Variants in PPFIA2 observed in about 807,000 individuals in gnomAD.
The protein encoded by PPFIA2 is PPFI scaffold protein A2.
In PPFIA2, 46 loss-of-function variants were observed where a neutral mutation model predicts 175.5. That is an observed-to-expected ratio of 0.26 (90% CI 0.21 to 0.34). The LOEUF is 0.34. PPFIA2 is among the 10% of genes least tolerant of loss of function. The pLI is 1.00. For synonymous variants in PPFIA2, 568 were observed against 511.4 expected (o/e 1.11, Z -1.49); for missense variants, 1,179 against 1,506.1 (o/e 0.78, Z 3.60).
At position 81,533,692 on chromosome 12, in the gene PPFIA2, AATCTATCT is replaced by A. The variant is rs5799538; in HGVS notation, c.304-75834_304-75827del. Among the ~76,000 whole-genome samples the A allele has an allele frequency of 6.8e-3, 976 of 144,410 alleles. 5 individuals are homozygous for A. Among genetic ancestry groups the A allele is most frequent in the African/African-American group, 8.2e-3 (318 of 38,926 alleles). 94.7% of individuals were successfully genotyped at this position (144,410 alleles called of 152,430 possible). A position where few individuals can be genotyped will look rare whatever the true frequency, so the allele number is the denominator to read the frequency against. On this transcript the variant is annotated intron_variant, in intron 4 of 32. Coordinates refer to ENST00000549396, the MANE Select transcript of PPFIA2 (RefSeq NM_003625.5). ...GATTGTAACGGTTTCTAAATTCACA[AATCTATCT>A]ATCTATCTATCTATCTATCTATCTA...
rs182888945 is a variant in PPFIA2 at position 81,713,367 on chromosome 12, C to T, written c.250-36523G>A. Among the ~76,000 whole-genome samples, 89 of 151,148 alleles carry T rather than the reference C, an allele frequency of 5.9e-4. 9 individuals are homozygous for T. The highest frequency in any genetic ancestry group is 5.1e-3 in the Admixed American group (75 of 14,770). ...TTGGGACTCAAAGTCAGGAAGACTG[C>T]TTTTGCTATATACTCTGGAAGAGTA... On this transcript the variant is annotated intron_variant, in intron 3 of 32. Transcript: ENST00000549396.
intron 4 of PPFIA2, among the ~76,000 whole-genome samples, chr12:81,659,182 G>A (rs1251360725): frequency 6.6e-6 from 1 of 152,102 alleles, no homozygotes; most frequent in Non-Finnish European, 1.5e-5. Flanking sequence ...CTGAGGTACT[G>A]GGTTCATCTC....
intron 8 of PPFIA2, among the ~76,000 whole-genome samples, chr12:81,397,156 AG>A (rs1294181456): frequency 2.6e-5 from 4 of 152,056 alleles, no homozygotes; most frequent in African/African-American, 9.7e-5. Context: ...TCTGAACTAG[AG>A]GTAAAGATTC....
chr12:81,330,757 C>T (rs2055947241), intron 21 of PPFIA2, among the ~76,000 whole-genome samples: 1 of 152,148 alleles, frequency 6.6e-6, no homozygotes, highest in African/African-American at 2.4e-5. Flanking sequence ...ATCTTTCTTT[C>T]AGTAGAACTG....
chr12:81,288,058 A>C (rs1270593899), intron 24 of PPFIA2, among the ~76,000 whole-genome samples: 1 of 151,832 alleles, frequency 6.6e-6, no homozygotes, highest in Non-Finnish European at 1.5e-5. Flanking sequence ...AATTTATAAA[A>C]TTTCAATTAT....
At chr12:81,716,043 T>C (rs2078574209) in intron 3 of PPFIA2, among the ~76,000 whole-genome samples, 1 of 151,628 alleles carries the variant, frequency 6.6e-6, no homozygotes. Context: ...GTAATATTCA[T>C]ATAGTTTCAG....
At chr12:81,636,508 G>T (rs1044530732) in intron 4 of PPFIA2, among the ~76,000 whole-genome samples, 3 of 149,710 alleles carry the variant, frequency 2.0e-5, no homozygotes, top group Non-Finnish European at 1.5e-5. Flanking sequence ...CTCGTGATCC[G>T]CCCGCCTCGG....
intron 21 of PPFIA2, among the ~76,000 whole-genome samples, chr12:81,338,534 C>T (rs866452001): frequency 6.6e-6 from 1 of 151,910 alleles, no homozygotes; most frequent in Non-Finnish European, 1.5e-5. Context: ...TTGCCCTATT[C>T]TTTTCCCCAC....
rs573659051 is a variant in PPFIA2 at position 81,487,559 on chromosome 12, G to A, written c.304-29693C>T. Among the ~76,000 whole-genome samples the A allele has an allele frequency of 5.9e-5, 9 of 151,768 alleles. No individual in the cohort carries two copies. The East Asian group carries it at 1.6e-3, about 26-fold the overall frequency. On this transcript the variant is annotated intron_variant, in intron 4 of 32. Coordinates refer to ENST00000549396, the MANE Select transcript of PPFIA2 (RefSeq NM_003625.5). ...AGGGTGGGAGGGCCTTGTCACTGGCGATTCTAGGAGTAAGCTGTATGTCTC... is the reference window on the plus strand; with the variant it reads ...AGGGTGGGAGGGCCTTGTCACTGGCAATTCTAGGAGTAAGCTGTATGTCTC...
intron 4 of PPFIA2, among the ~76,000 whole-genome samples, chr12:81,638,362 G>A (rs1409325610): frequency 6.6e-6 from 1 of 151,990 alleles, no homozygotes; most frequent in Non-Finnish European, 1.5e-5. Context: ...TCCAAGTAAA[G>A]TGGATCTAGA....
At chr12:81,406,676 T>C (rs1275789051) in intron 7 of PPFIA2, among the ~76,000 whole-genome samples, 2 of 152,066 alleles carry the variant, frequency 1.3e-5, no homozygotes, top group Non-Finnish European at 1.5e-5. Flanking sequence ...TAAATATATA[T>C]ATATATATCA....
intron 4 of PPFIA2, among the ~76,000 whole-genome samples, chr12:81,587,089 A>T (rs965980235): frequency 3.3e-5 from 5 of 152,002 alleles, no homozygotes; most frequent in African/African-American, 1.2e-4. Flanking sequence ...ACACTCTAGC[A>T]AACTGTAGAA....
intron 2 of PPFIA2, 138 bp downstream of exon 2, chr12:81,758,262 G>A (rs1309249028): frequency 4.9e-6 from 2 of 406,542 alleles, no homozygotes; most frequent in African/African-American, 2.0e-5. Flanking sequence ...AGAGGATGAG[G>A]TGAAAGCAAA....
chr12:81,439,920 T>C lies in PPFIA2; in HGVS notation c.645+52A>G, dbSNP rs2049853039. ...TAAAAGTGACGTGAAACACAAGGGA[T>C]GTAATGTCAGCGATATTGCACCTCA... On this transcript the variant is annotated intron_variant, in intron 7 of 32. Coordinates refer to ENST00000549396, the MANE Select transcript of PPFIA2 (RefSeq NM_003625.5). 2.2e-6 allele frequency: 3 copies of C among 1,367,070 alleles called. No homozygotes were observed. In the South Asian group the frequency reaches 3.7e-5, roughly 17 times the overall value. The allele number at this position is 1,367,070 out of a possible 1,614,324, so 84.7% of individuals were successfully genotyped here. A position where few individuals can be genotyped will look rare whatever the true frequency, so the allele number is the denominator to read the frequency against.
At chr12:81,507,505 G>A (rs2061307423) in intron 4 of PPFIA2, among the ~76,000 whole-genome samples, 1 of 152,016 alleles carries the variant, frequency 6.6e-6, no homozygotes. Flanking sequence ...CTCCATCCAA[G>A]CTCTGTAGAT....
intron 2 of PPFIA2, among the ~76,000 whole-genome samples, chr12:81,756,664 T>A (rs2084721760): frequency 6.6e-6 from 1 of 151,988 alleles, no homozygotes; most frequent in South Asian, 2.1e-4. Flanking sequence ...GCCAATAATC[T>A]ATGCTTAGAG....
At chr12:81,597,153 C>G (rs2059333346) in intron 4 of PPFIA2, among the ~76,000 whole-genome samples, 1 of 151,966 alleles carries the variant, frequency 6.6e-6, no homozygotes, top group Non-Finnish European at 1.5e-5. Context: ...ATATCAAGTT[C>G]CTTTTTCATG....
intron 7 of PPFIA2, among the ~76,000 whole-genome samples, chr12:81,408,918 T>G (rs2142995961): frequency 6.6e-6 from 1 of 152,300 alleles, no homozygotes; most frequent in East Asian, 1.9e-4. Context: ...GCACCTGATT[T>G]AATTGTGGGT....
intron 14 of PPFIA2, among the ~76,000 whole-genome samples, chr12:81,363,010 T>C (rs956574384): frequency 6.6e-6 from 1 of 151,626 alleles, no homozygotes; most frequent in Non-Finnish European, 1.5e-5. Flanking sequence ...TCACTAATCC[T>C]GAATATTTGA....
Sources: gnomAD v4.1 joint callset for allele counts (sites outside exome capture counted in the v4.1 genomes callset) on GRCh38, gnomAD v4.1.1 for gene constraint, MANE v1.5 for transcripts, NCBI Gene and HGNC (gene_info 2026-07-23, HGNC 2026-07-21) for gene names.